The following CELF4 variants were observed in gnomAD, a reference collection of about 807,000 sequenced individuals.
The protein encoded by CELF4 is CUG-BP- and ETR-3-like factor 4.
In CELF4, 18 loss-of-function variants were observed where a neutral mutation model predicts 59.9. That is an observed-to-expected ratio of 0.30 (90% confidence interval 0.21 to 0.45). The LOEUF (loss-of-function observed/expected upper bound fraction) is 0.45, where lower values mean the gene tolerates loss of function less well. Ranked by LOEUF, CELF4 falls within the 20% of genes least tolerant of loss-of-function variation. CELF4 has a pLI of 1.00. For synonymous variants in CELF4, 261 were observed against 267.1 expected, an observed-to-expected ratio of 0.98 and a Z score of 0.22; for missense variants, 456 against 689.0, an observed-to-expected ratio of 0.66 and a Z score of 3.79.
chr18:37,387,928 G>A (rs1289261024), intron 2 of CELF4, among the ~76,000 whole-genome samples: 1 of 152,226 alleles, frequency 6.6e-6, no homozygotes, highest in Admixed American at 6.5e-5. Context: ...GCTGGGGGAA[G>A]CCAGCTTTCT....
chr18:37,280,047 G>A (rs1310614750), intron 3 of CELF4, among the ~76,000 whole-genome samples: 1 of 152,200 alleles, frequency 6.6e-6, no homozygotes, highest in South Asian at 2.1e-4. Context: ...GCAACAGGAC[G>A]TAGGTGCTCA....
At chr18:37,280,978 A>G (rs2094063565) in intron 3 of CELF4, among the ~76,000 whole-genome samples, 1 of 152,374 alleles carries the variant, frequency 6.6e-6, no homozygotes, top group African/African-American at 2.4e-5. Flanking sequence ...TCTGGCTGCC[A>G]GAACCTCCTG....
At chr18:37,289,748 T>C (rs1405291999) in intron 3 of CELF4, among the ~76,000 whole-genome samples, 1 of 152,184 alleles carries the variant, frequency 6.6e-6, no homozygotes, top group Non-Finnish European at 1.5e-5. Flanking sequence ...GCTAAGAAAC[T>C]GGTGGAAGCT....
At chr18:37,299,344 C>T (rs1470988330) in intron 3 of CELF4, among the ~76,000 whole-genome samples, 3 of 152,312 alleles carry the variant, frequency 2.0e-5, no homozygotes, top group South Asian at 4.1e-4. Flanking sequence ...TTCACTGGCC[C>T]ATCCCTTAGA....
chr18:37,257,048 G>T (rs2070141448), intron 11 of CELF4, among the ~76,000 whole-genome samples: 1 of 152,118 alleles, frequency 6.6e-6, no homozygotes, highest in Admixed American at 6.5e-5. Flanking sequence ...ATTTGTTCAA[G>T]AGAGGAGAGC....
chr18:37,384,933 A>G (rs944225473), intron 2 of CELF4, among the ~76,000 whole-genome samples: 4 of 152,190 alleles, frequency 2.6e-5, no homozygotes, highest in African/African-American at 7.2e-5. Context: ...ACTAATGAGT[A>G]CGGAACCATA....
intron 2 of CELF4, among the ~76,000 whole-genome samples, chr18:37,359,591 C>T (rs2098667156): frequency 6.6e-6 from 1 of 152,196 alleles, no homozygotes; most frequent in Non-Finnish European, 1.5e-5. Flanking sequence ...ATCCTCATGC[C>T]TTGGCCTCCC....
At chr18:37,300,965 G>A (rs2095991678) in intron 3 of CELF4, among the ~76,000 whole-genome samples, 1 of 152,224 alleles carries the variant, frequency 6.6e-6, no homozygotes, top group African/African-American at 2.4e-5. Flanking sequence ...TAAGGCAGCA[G>A]GGCTGGGAGT....
In CELF4 at chr18:37,313,917, T is replaced by A. The variant is rs78273546; in HGVS notation, c.448+7886A>T. 8.6e-4 allele frequency among the ~76,000 whole-genome samples: 131 copies of A among 152,300 alleles called. 3 individuals carry two copies. The East Asian group carries it at 0.024, about 28-fold the overall frequency. Reference sequence around the variant, plus strand: ...GGCCCAGCGGGACTCCGCTGCCACATCAGTGCTGGCATGGTGAGGGGGGAT... The same window carrying A: ...GGCCCAGCGGGACTCCGCTGCCACAACAGTGCTGGCATGGTGAGGGGGGAT... On this transcript the variant is annotated intron_variant, in intron 3 of 12. Coordinates refer to ENST00000420428, the MANE Select transcript of CELF4 (RefSeq NM_020180.4).
intron 2 of CELF4, among the ~76,000 whole-genome samples, chr18:37,453,999 G>T (rs1461976435): frequency 6.6e-6 from 1 of 151,962 alleles, no homozygotes; most frequent in African/African-American, 2.4e-5. Context: ...CTTGGGTTTT[G>T]CCTGGATTTG....
intron 2 of CELF4, among the ~76,000 whole-genome samples, chr18:37,348,241 A>T (rs1464200472): frequency 6.6e-6 from 1 of 152,176 alleles, no homozygotes; most frequent in Non-Finnish European, 1.5e-5. Flanking sequence ...CCTGCTAAGC[A>T]GGGTCAAATG....
intron 2 of CELF4, among the ~76,000 whole-genome samples, chr18:37,366,634 A>G (rs570038096): frequency 6.6e-6 from 1 of 152,206 alleles, no homozygotes; most frequent in African/African-American, 2.4e-5. Flanking sequence ...GGAGTTTCTC[A>G]TCTGTATGAG....
chr18:37,506,443 G>C (rs1786812), intron 1 of CELF4, among the ~76,000 whole-genome samples: 79,557 of 152,094 alleles, frequency 0.52, 25,083 homozygotes, highest in Non-Finnish European at 0.7. Flanking sequence ...GCCCCTCCAA[G>C]AGGGGGCTGG....
At position 37,411,453 on chromosome 18, in the gene CELF4, G is replaced by GTA. The variant is rs35699608; in HGVS notation, c.369+74070_369+74071dup. Among the ~76,000 whole-genome samples the GTA allele has an allele frequency of 8.3e-3, 1,257 of 152,268 alleles. 17 individuals are homozygous for GTA. Among genetic ancestry groups the GTA allele is most frequent in the African/African-American group, 0.028 (1,173 of 41,534 alleles). ...GGCACCTGGTCCCATGGGTATCTGT[G>GTA]TATGTGTGTGTGCATGGCAAGAAAA... On this transcript the variant is annotated intron_variant, in intron 2 of 12. Coordinates refer to ENST00000420428, the MANE Select transcript of CELF4 (RefSeq NM_020180.4).
At chr18:37,359,523 A>G (rs2098665577) in intron 2 of CELF4, among the ~76,000 whole-genome samples, 1 of 152,090 alleles carries the variant, frequency 6.6e-6, no homozygotes, top group Non-Finnish European at 1.5e-5. Context: ...TTGTAGAGAC[A>G]GGGTCTCGCT....
chr18:37,441,831 C>T (rs1203410237), intron 2 of CELF4, among the ~76,000 whole-genome samples: 1 of 152,252 alleles, frequency 6.6e-6, no homozygotes, highest in East Asian at 1.9e-4. Flanking sequence ...AGGAAGTCCT[C>T]CTGACGACTG....
intron 2 of CELF4, among the ~76,000 whole-genome samples, chr18:37,453,256 T>G (rs2099769128): frequency 6.6e-6 from 1 of 152,240 alleles, no homozygotes; most frequent in African/African-American, 2.4e-5. Flanking sequence ...ACATTATGTG[T>G]GTGTTCTTGC....
intron 1 of CELF4, among the ~76,000 whole-genome samples, chr18:37,510,987 T>G (rs1405680745): frequency 6.6e-6 from 1 of 152,152 alleles, no homozygotes; most frequent in Non-Finnish European, 1.5e-5. Context: ...GGGGCACTAT[T>G]TGTCACCCAT....
chr18:37,400,796 T>C (rs1443342768), intron 2 of CELF4, among the ~76,000 whole-genome samples: 1 of 152,256 alleles, frequency 6.6e-6, no homozygotes. Flanking sequence ...TTTACTCTTA[T>C]GAGCAGATGA....
Sources: gnomAD v4.1 joint callset for allele counts (sites outside exome capture counted in the v4.1 genomes callset) on GRCh38, gnomAD v4.1.1 for gene constraint, MANE v1.5 for transcripts, NCBI Gene and HGNC (gene_info 2026-07-23, HGNC 2026-07-21) for gene names.